Variants in ROBO1 observed in about 807,000 individuals in gnomAD.
ROBO1 encodes roundabout guidance receptor 1.
A neutral mutation model predicts 195.9 loss-of-function variants in ROBO1; 149 were observed. The observed-to-expected ratio is 0.76, with a 90% confidence interval of 0.67 to 0.87. The LOEUF (loss-of-function observed/expected upper bound fraction) is 0.87, where lower values mean the gene tolerates loss of function less well. Among genes scored for constraint, ROBO1 ranks in the 40% least tolerant of loss-of-function variants. ROBO1 has a pLI of 0.00. For synonymous variants in ROBO1, 816 were observed against 733.2 expected (o/e 1.11, Z -1.82); for missense variants, 1,933 against 2,068.3 (o/e 0.93, Z 1.27).
intron 5 of ROBO1, among the ~76,000 whole-genome samples, chr3:78,741,408 C>G (rs1383949729): frequency 1.3e-5 from 2 of 152,104 alleles, no homozygotes; most frequent in Non-Finnish European, 2.9e-5. Flanking sequence ...GAATAAGTGG[C>G]AAATTTTAAA....
In ROBO1 at chr3:78,854,343, TATA is replaced by T. The variant is rs1195649976; in HGVS notation, c.499+84255_499+84257del. ...TTAGTATATATTTATTACTATTATA[TATA>T]ATATGTTGTATATAAAAATATAAAT... On this transcript the variant is annotated intron_variant, in intron 4 of 30. Transcript: ENST00000464233. 5.3e-4 allele frequency among the ~76,000 whole-genome samples: 78 copies of T among 148,234 alleles called. 2 individuals are homozygous for T. Among genetic ancestry groups the T allele is most frequent in the Non-Finnish European group, 1.5e-4 (10 of 67,268 alleles).
At chr3:79,597,526 A>G (rs1471758379) in intron 1 of ROBO1, among the ~76,000 whole-genome samples, 1 of 152,040 alleles carries the variant, frequency 6.6e-6, no homozygotes, top group Admixed American at 6.6e-5. Context: ...AAAGCCTATA[A>G]TTTGTTTATG....
rs11922305 is a variant in ROBO1, at chr3:78,768,970, C to T, written c.500-22070G>A. 8.6e-5 allele frequency among the ~76,000 whole-genome samples: 13 copies of T among 151,842 alleles called. 1 individual carries two copies. Among genetic ancestry groups the T allele is most frequent in the Admixed American group, 4.6e-4 (7 of 15,242 alleles). The stretch of plus-strand genomic sequence containing the variant: ...TGATGATTTCCAATTTATTGAGGCT[C>T]GTTTTATAGCCTATCATATGGTCTG... On this transcript the variant is annotated intron_variant, in intron 4 of 30. Transcript: ENST00000464233.
At chr3:78,882,430 C>T (rs749855433) in intron 4 of ROBO1, among the ~76,000 whole-genome samples, 6 of 152,070 alleles carry the variant, frequency 3.9e-5, no homozygotes, top group Non-Finnish European at 8.8e-5. Flanking sequence ...TACTGCCATC[C>T]CTTATGTTTC....
chr3:79,237,526 CTT>C (rs2082433837), intron 2 of ROBO1, among the ~76,000 whole-genome samples: 1 of 151,716 alleles, frequency 6.6e-6, no homozygotes, highest in Non-Finnish European at 1.5e-5. Context: ...TCAGAAACAT[CTT>C]TGAGAAAACA....
intron 3 of ROBO1, among the ~76,000 whole-genome samples, chr3:78,951,620 G>A (rs2040797906): frequency 6.6e-6 from 1 of 152,080 alleles, no homozygotes; most frequent in African/African-American, 2.4e-5. Flanking sequence ...AAGAATCCTG[G>A]TAGAATCTTG....
At chr3:79,113,505 C>T (rs1008277520) in intron 3 of ROBO1, among the ~76,000 whole-genome samples, 2 of 152,036 alleles carry the variant, frequency 1.3e-5, no homozygotes, top group African/African-American at 2.4e-5. Context: ...CAGTGGCTCA[C>T]GCTTGTAATC....
At chr3:79,258,880 T>C (rs1476588459) in intron 2 of ROBO1, among the ~76,000 whole-genome samples, 2 of 152,072 alleles carry the variant, frequency 1.3e-5, no homozygotes, top group African/African-American at 4.8e-5. Flanking sequence ...GGCTATTGCC[T>C]AGAAATCCAT....
chr3:79,117,746 C>T (rs1039464736), intron 3 of ROBO1, among the ~76,000 whole-genome samples: 7 of 152,258 alleles, frequency 4.6e-5, no homozygotes, highest in South Asian at 4.1e-4. Context: ...TAGACACATA[C>T]GTACTTTTCA....
chr3:79,295,967 T>A (rs887096786), intron 2 of ROBO1, among the ~76,000 whole-genome samples: 1 of 152,210 alleles, frequency 6.6e-6, no homozygotes, highest in Admixed American at 6.5e-5. Flanking sequence ...TAAGTTTTTT[T>A]AATTAAAATG....
At chr3:79,687,325 T>C (rs914954814) in intron 1 of ROBO1, among the ~76,000 whole-genome samples, 1 of 152,118 alleles carries the variant, frequency 6.6e-6, no homozygotes, top group Non-Finnish European at 1.5e-5. Flanking sequence ...AAGGACTTCA[T>C]GTCTAAAACA....
intron 1 of ROBO1, among the ~76,000 whole-genome samples, chr3:79,701,808 T>C (rs1295886308): frequency 6.8e-6 from 1 of 147,172 alleles, no homozygotes; most frequent in South Asian, 2.1e-4. Context: ...CCATTAATTA[T>C]TTTTGTATTG....
chr3:78,991,984 A>G (rs2077248904), intron 3 of ROBO1, among the ~76,000 whole-genome samples: 1 of 152,218 alleles, frequency 6.6e-6, no homozygotes, highest in Non-Finnish European at 1.5e-5. Context: ...GAACTAGCAC[A>G]TACTTGTAGA....
intron 1 of ROBO1, among the ~76,000 whole-genome samples, chr3:79,729,446 C>T (rs35341351): frequency 0.29 from 44,681 of 152,016 alleles, 7,918 homozygotes; most frequent in East Asian, 0.57. Context: ...ATAATTAAGA[C>T]TAGTTAGTAC....
At chr3:78,750,215 G>A (rs550258498) in intron 4 of ROBO1, among the ~76,000 whole-genome samples, 4 of 152,124 alleles carry the variant, frequency 2.6e-5, no homozygotes, top group African/African-American at 9.6e-5. Flanking sequence ...CAGCACTTTG[G>A]GAGGCCAGCA....
intron 1 of ROBO1, among the ~76,000 whole-genome samples, chr3:79,737,949 T>G (rs1384250871): frequency 6.6e-6 from 1 of 152,134 alleles, no homozygotes; most frequent in Non-Finnish European, 1.5e-5. Flanking sequence ...CTAACTTCCA[T>G]ACTCCCGCTG....
chr3:78,772,549 T>G (rs2108435925), intron 4 of ROBO1, among the ~76,000 whole-genome samples: 1 of 152,248 alleles, frequency 6.6e-6, no homozygotes, highest in East Asian at 1.9e-4. Context: ...GAAATAATTC[T>G]AAGATTCTGA....
chr3:78,818,036 G>C (rs1434145707), intron 4 of ROBO1, among the ~76,000 whole-genome samples: 1 of 152,136 alleles, frequency 6.6e-6, no homozygotes, highest in Admixed American at 6.5e-5. Flanking sequence ...AAAACCACTT[G>C]AACAGCTACC....
At chr3:78,801,663 T>C (rs1425817767) in intron 4 of ROBO1, among the ~76,000 whole-genome samples, 2 of 151,886 alleles carry the variant, frequency 1.3e-5, no homozygotes, top group Non-Finnish European at 2.9e-5. Context: ...TCATTCAGAG[T>C]TGTAAATATA....
Sources: allele counts gnomAD v4.1 joint callset (sites outside exome capture counted in the v4.1 genomes callset), GRCh38; gene constraint gnomAD v4.1.1; transcripts MANE v1.5; gene names NCBI Gene and HGNC (gene_info 2026-07-23, HGNC 2026-07-21).